Variants in AMZ1 observed in about 807,000 individuals in gnomAD.
AMZ1 encodes the protein archaemetzincin-1.
AMZ1 carries 39 observed loss-of-function variants against 29.9 expected under a neutral mutation model. That is an observed-to-expected ratio of 1.30 (90% CI 1.01 to 1.70). The LOEUF is 1.70. Among genes scored for constraint, AMZ1 ranks in the 40% most tolerant of loss-of-function variants. The pLI, the probability that AMZ1 is intolerant of heterozygous loss-of-function variation, is 0.00. For missense variants in AMZ1, 1,041 were observed against 680.6 expected (o/e 1.53, Z -5.89); for synonymous variants, 458 against 304.0 (o/e 1.51, Z -5.27).
intron 4 of AMZ1, among the ~76,000 whole-genome samples, chr7:2,741,340 G>C (rs934696313): frequency 6.6e-6 from 1 of 152,156 alleles, no homozygotes; most frequent in Non-Finnish European, 1.5e-5. Flanking sequence ...GGGCAACAGA[G>C]TGAGACACTG....
chr7:2,709,923 C>T lies in AMZ1; in HGVS notation c.948+107C>T, dbSNP rs985781972. On this transcript the variant is annotated intron_variant, in intron 6 of 6. Coordinates refer to ENST00000683327, the MANE Select transcript of AMZ1 (RefSeq NM_001384743.1). ...CATGGGGACCGCACACAGGCTTTGT[C>T]AACTGCCGGGTTCCAGGCAGTGCAG... The T allele has an allele frequency of 2.2e-5, 32 of 1,472,000 alleles. No homozygotes were observed. In the African/African-American group the frequency reaches 2.4e-4, roughly 11 times the overall value. The allele number at this position is 1,472,000 out of a possible 1,614,324, so 91.2% of individuals were successfully genotyped here. A position where few individuals can be genotyped will look rare whatever the true frequency, so the allele number is the denominator to read the frequency against.
In AMZ1 at chr7:2,715,290, ACAGT is replaced by A. The variant is rs1426374450; in HGVS notation, c.*2420_*2423del. The A allele has an allele frequency of 4.6e-5, 7 of 152,460 alleles. No individual in the cohort carries two copies. Among genetic ancestry groups the A allele is most frequent in the Non-Finnish European group, 7.4e-5 (5 of 68,026 alleles). The allele number at this position is 152,460 out of a possible 1,614,324, so 9.4% of individuals were successfully genotyped here. On this transcript the variant is annotated 3_prime_UTR_variant, in exon 7 of 7. Coordinates refer to ENST00000683327, the MANE Select transcript of AMZ1 (RefSeq NM_001384743.1). ...ACAATATTGCTGTGGCCATTCATGA[ACAGT>A]CAGTCAGCCCCACTCGGCGTTCACT...
intron 4 of AMZ1, among the ~76,000 whole-genome samples, chr7:2,727,887 C>T (rs1050965753): frequency 1.3e-5 from 2 of 151,498 alleles, no homozygotes; most frequent in East Asian, 1.9e-4. Flanking sequence ...GAAACCCTGT[C>T]TCTACTAAAA....
At position 2,700,397 on chromosome 7, in the gene AMZ1, G is replaced by A; in HGVS notation, c.-55G>A. On this transcript the variant is annotated 5_prime_UTR_variant, in exon 2 of 7. An upstream open reading frame in the 5' UTR gains an earlier in-frame stop. Coordinates refer to ENST00000683327, the MANE Select transcript of AMZ1 (RefSeq NM_001384743.1). ...ACGAGACCGTGGCCGTCCCCCGGGT[G>A]GCCCATGGACAGCAGCAGGGGCTCC... The A allele has an allele frequency of 2.6e-6, 4 of 1,552,970 alleles. No homozygotes were observed. The East Asian group carries it at 6.8e-5, about 26-fold the overall frequency.
chr7:2,705,957 G>A (rs1355355438), intron 3 of AMZ1, among the ~76,000 whole-genome samples: 12 of 152,240 alleles, frequency 7.9e-5, no homozygotes, highest in Admixed American at 7.8e-4. Flanking sequence ...GTTGGTGCCA[G>A]GCCTGTGGCA....
At chr7:2,710,527 G>C (rs142756845) in intron 6 of AMZ1, among the ~76,000 whole-genome samples, 1 of 152,132 alleles carries the variant, frequency 6.6e-6, no homozygotes, top group Non-Finnish European at 1.5e-5. Flanking sequence ...TGTGGTTCCC[G>C]GACCGAGCCT....
chr7:2,719,827 C>T (rs1346024474), downstream of AMZ1, among the ~76,000 whole-genome samples: 1 of 151,948 alleles, frequency 6.6e-6, no homozygotes. Flanking sequence ...ATTACAGGTG[C>T]CTGCCACACC....
At chr7:2,687,211 C>T (rs1289377178), upstream of AMZ1, among the ~76,000 whole-genome samples, 1 of 152,054 alleles carries the variant, frequency 6.6e-6, no homozygotes, top group African/African-American at 2.4e-5. Flanking sequence ...CCTATAATCC[C>T]CACTACTCAG....
At chr7:2,724,099 GAGT>G (rs1789530840), downstream of AMZ1, among the ~76,000 whole-genome samples, 1 of 151,268 alleles carries the variant, frequency 6.6e-6, no homozygotes, top group East Asian at 2.0e-4. Flanking sequence ...TAGAGATGGG[GAGT>G]GGGGGGGCGG....
Position 2,709,808 on chromosome 7 carries a change from A to G in AMZ1, c.940A>G (p.Arg314Gly). Residue 314 changes from arginine (R) to glycine (G), a missense_variant, in exon 6 of 7, where the codon AGG (arginine) becomes GGG (glycine). Arg to Gly is a moderately radical substitution (Grantham distance 125). Transcript: ENST00000683327. ...QHVLGFRLIE[R>G]YQRLYTWTQA... The stretch of plus-strand genomic sequence containing the variant: ...TGTCCTGGGTTTCAGGCTCATCGAG[A>G]GGTACCAGGTGAGTGGCTGAGTTGC... The G allele has an allele frequency of 1.2e-6, 2 of 1,611,848 alleles. No homozygotes were observed. Among genetic ancestry groups the G allele is most frequent in the Non-Finnish European group, 1.7e-6 (2 of 1,179,742 alleles).
upstream of AMZ1, chr7:2,762,779 G>A: frequency 1.3e-6 from 2 of 1,543,846 alleles, no homozygotes; most frequent in Non-Finnish European, 1.7e-6. Context: ...CACCCAGGCT[G>A]TACAAAAGGG....
chr7:2,709,251 G>A lies in AMZ1; in HGVS notation c.771+7G>A. The A allele has an allele frequency of 2.0e-6, 3 of 1,490,346 alleles. No homozygotes were observed. The highest frequency in any genetic ancestry group is 2.7e-6 in the Non-Finnish European group (3 of 1,123,884). 92.3% of individuals were successfully genotyped at this position (1,490,346 alleles called of 1,614,324 possible). On this transcript the variant is annotated splice_region_variant and intron_variant, in intron 5 of 6. Coordinates refer to ENST00000683327, the MANE Select transcript of AMZ1 (RefSeq NM_001384743.1). ...GATGGTTCAGTGCTGCAAGGTGGGT[G>A]GGGGCTCTGGGGCTGGTAAGAGGGG...
At position 2,702,608 on chromosome 7, in the gene AMZ1, A is replaced by C. The variant is rs150077273; in HGVS notation, c.305-114A>C. On this transcript the variant is annotated intron_variant, in intron 2 of 6. Transcript: ENST00000683327. ...CTGACGCTCTGCTTGCTGTCAGGGT[A>C]GGTCCACATTGGCCTTGTTCACCCA... 1.2e-3 allele frequency: 1,445 copies of C among 1,202,308 alleles called. 18 individuals are homozygous for C. The African/African-American group carries it at 0.02, about 17-fold the overall frequency. 74.5% of individuals were successfully genotyped at this position (1,202,308 alleles called of 1,614,324 possible).
At chr7:2,744,945 G>T (rs919386701) in intron 4 of AMZ1, among the ~76,000 whole-genome samples, 7 of 152,156 alleles carry the variant, frequency 4.6e-5, no homozygotes, top group African/African-American at 1.7e-4. Context: ...TGAATGAAAT[G>T]AAGTGAGAAG....
chr7:2,683,231 T>C, upstream of AMZ1, among the ~76,000 whole-genome samples: 1 of 152,320 alleles, frequency 6.6e-6, no homozygotes, highest in East Asian at 1.9e-4. Context: ...ACACATTCAC[T>C]GTCAATTCTG....
intron 1 of AMZ1, among the ~76,000 whole-genome samples, chr7:2,692,401 G>C (rs955400431): frequency 6.6e-6 from 1 of 152,200 alleles, no homozygotes; most frequent in African/African-American, 2.4e-5. Context: ...AATTAGCCGG[G>C]TGTGGTGGCG....
At chr7:2,762,859 G>A, upstream of AMZ1, 9 of 1,468,640 alleles carry the variant, frequency 6.1e-6, no homozygotes, top group Non-Finnish European at 8.2e-6. Flanking sequence ...GCAGGAGAGG[G>A]CCAGCTCCGA....
In AMZ1 at chr7:2,709,722, T is replaced by G. The variant is rs759678739; in HGVS notation, c.854T>G (p.Leu285Arg). The change falls in exon 6 of 7, where the codon CTG (leucine) becomes CGG (arginine). Residue 285 changes from leucine to arginine, a missense_variant. Coordinates refer to ENST00000683327, the MANE Select transcript of AMZ1 (RefSeq NM_001384743.1). ...LRCLMQGALS[L>R]DEALRRPLDL... ...TGCCTCATGCAGGGTGCGCTCAGCC[T>G]GGACGAGGCCCTGCGGCGGCCCCTG... 8.1e-6 allele frequency: 13 copies of G among 1,611,210 alleles called. No individual in the cohort carries two copies. The highest frequency in any genetic ancestry group is 5.0e-5 in the Admixed American group (3 of 59,984).
In AMZ1 at chr7:2,709,647, G is replaced by C; in HGVS notation, c.779G>C (p.Cys260Ser). 1 of 1,608,762 alleles carries C rather than the reference G, an allele frequency of 6.2e-7. No individual in the cohort carries two copies. Among genetic ancestry groups the C allele is most frequent in the Non-Finnish European group, 8.5e-7 (1 of 1,178,440 alleles). ...TGGTGGCCTTCCCCCCAGGTCACGT[G>C]CCACGAGCTCTGCCACCTTCTGGGC... is the stretch of plus-strand genomic sequence containing the variant. Reference protein sequence around the residue: ...LGMVQCCKVTCHELCHLLGLG... With the variant: ...LGMVQCCKVTSHELCHLLGLG... Residue 260 changes from cysteine (C) to serine (S), a missense_variant, in exon 6 of 7, where the codon TGC becomes TCC. Physicochemically the swap from Cys to Ser is moderately radical, Grantham distance 112. Coordinates refer to ENST00000683327, the MANE Select transcript of AMZ1 (RefSeq NM_001384743.1).
Sources: gnomAD v4.1 joint callset for allele counts (sites outside exome capture counted in the v4.1 genomes callset) on GRCh38, gnomAD v4.1.1 for gene constraint, MANE v1.5 for transcripts, NCBI Gene and HGNC (gene_info 2026-07-23, HGNC 2026-07-21) for gene names.